Variants in RFX7 observed in about 807,000 individuals in gnomAD.
The protein encoded by RFX7 is DNA-binding protein RFX7.
In RFX7, 26 loss-of-function variants were observed where a neutral mutation model predicts 111.8. The observed-to-expected ratio is 0.23, with a 90% CI of 0.17 to 0.32. The LOEUF is 0.32. Among genes scored for constraint, RFX7 ranks in the 10% least tolerant of loss-of-function variants. RFX7 has a pLI of 1.00. For synonymous variants in RFX7, 624 were observed against 624.4 expected, an observed-to-expected ratio of 1.00 and a Z score of 0.01; for missense variants, 1,573 against 1,772.9, an observed-to-expected ratio of 0.89 and a Z score of 2.02.
chr15:56,209,169 T>G (rs1490709974), intron 2 of RFX7, among the ~76,000 whole-genome samples: 1 of 151,644 alleles, frequency 6.6e-6, no homozygotes. Flanking sequence ...AGAAAAAATC[T>G]TGAAAGAAGC....
chr15:56,191,986 A>G (rs1467777228), intron 2 of RFX7, among the ~76,000 whole-genome samples: 1 of 152,164 alleles, frequency 6.6e-6, no homozygotes, highest in African/African-American at 2.4e-5. Context: ...CACAGCAACA[A>G]TGAACACAAT....
At chr15:56,119,666 A>G (rs1476262805) in intron 5 of RFX7, among the ~76,000 whole-genome samples, 2 of 151,714 alleles carry the variant, frequency 1.3e-5, no homozygotes, top group African/African-American at 4.8e-5. Context: ...AGTTCCAGCT[A>G]CTTGGGGGGC....
At chr15:56,183,683 C>T (rs1245367320) in intron 2 of RFX7, among the ~76,000 whole-genome samples, 1 of 152,116 alleles carries the variant, frequency 6.6e-6, no homozygotes, top group Non-Finnish European at 1.5e-5. Flanking sequence ...ACAGTCTTGA[C>T]AATTCTTGGA....
chr15:56,138,367 A>T (rs1260569934), intron 5 of RFX7, among the ~76,000 whole-genome samples: 2 of 150,840 alleles, frequency 1.3e-5, no homozygotes, highest in African/African-American at 4.9e-5. Flanking sequence ...TACCATTATG[A>T]AATGGCCTTC....
At chr15:56,097,746 CAAAA>C (rs67718449) in intron 9 of RFX7, among the ~76,000 whole-genome samples, 10 of 47,336 alleles carry the variant, frequency 2.1e-4, no homozygotes, top group East Asian at 9.5e-4. Flanking sequence ...GACTCTGTCT[CAAAA>C]AAAAAAAAAA....
chr15:56,156,840 G>A (rs1595974339), intron 3 of RFX7, among the ~76,000 whole-genome samples: 1 of 152,284 alleles, frequency 6.6e-6, no homozygotes, highest in African/African-American at 2.4e-5. Flanking sequence ...TATCATTTGA[G>A]TTTAACAGAG....
At chr15:56,222,576 T>A (rs1175135648) in intron 2 of RFX7, among the ~76,000 whole-genome samples, 2 of 152,216 alleles carry the variant, frequency 1.3e-5, no homozygotes, top group Non-Finnish European at 2.9e-5. Flanking sequence ...GAAGTTTTCT[T>A]CGTAGTTTCC....
intron 2 of RFX7, among the ~76,000 whole-genome samples, chr15:56,183,217 A>C (rs2042995822): frequency 6.6e-6 from 1 of 152,080 alleles, no homozygotes; most frequent in Admixed American, 6.6e-5. Flanking sequence ...TACATTATAG[A>C]AGCTTTATAT....
chr15:56,098,278 T>TAAC lies in RFX7; in HGVS notation c.909_910insGTT (p.Ala303_Lys304insVal). 1.2e-6 allele frequency: 2 copies of TAAC among 1,613,936 alleles called. No homozygotes were observed. The highest frequency in any genetic ancestry group is 1.7e-6 in the Non-Finnish European group (2 of 1,179,848). Reference sequence around the variant, plus strand: ...TGGATTTTCCGTTGCAACTGCTGTTTAGCATCAATTGGAGATGGCAAAGTC... The same window carrying TAAC: ...TGGATTTTCCGTTGCAACTGCTGTTTAACAGCATCAATTGGAGATGGCAAAGTC... On this transcript the variant is annotated inframe_insertion, in exon 9 of 10. Transcript: ENST00000559447.
intron 3 of RFX7, among the ~76,000 whole-genome samples, chr15:56,159,519 G>C (rs1319882481): frequency 6.6e-6 from 1 of 152,104 alleles, no homozygotes; most frequent in Non-Finnish European, 1.5e-5. Context: ...CTAAGCTATC[G>C]ACATATAATT....
intron 2 of RFX7, among the ~76,000 whole-genome samples, chr15:56,207,333 A>G (rs2043264615): frequency 6.6e-6 from 1 of 152,300 alleles, no homozygotes; most frequent in Middle Eastern, 3.4e-3. Context: ...CAAGATGAAA[A>G]GAGTTCTGTG....
At chr15:56,165,058 G>C (rs769037459) in intron 3 of RFX7, among the ~76,000 whole-genome samples, 20 of 152,200 alleles carry the variant, frequency 1.3e-4, no homozygotes, top group Non-Finnish European at 1.8e-4. Flanking sequence ...GCATTAGTTA[G>C]ATTTTCATAA....
chr15:56,111,381 GTCCAC>G (rs1235794325), intron 5 of RFX7, among the ~76,000 whole-genome samples: 11 of 151,990 alleles, frequency 7.2e-5, no homozygotes, highest in Non-Finnish European at 1.3e-4. Flanking sequence ...CATGTGCTGT[GTCCAC>G]TCAGGGTTAA....
At chr15:56,221,102 A>G (rs1204466325) in intron 2 of RFX7, among the ~76,000 whole-genome samples, 1 of 152,180 alleles carries the variant, frequency 6.6e-6, no homozygotes, top group Non-Finnish European at 1.5e-5. Flanking sequence ...AATAGTTTGA[A>G]GTCAGGTTAA....
At chr15:56,097,077 G>C (rs554076884) in intron 9 of RFX7, among the ~76,000 whole-genome samples, 61 of 152,258 alleles carry the variant, frequency 4.0e-4, no homozygotes, top group Admixed American at 2.0e-3. Flanking sequence ...TACAACTACT[G>C]TCTACTCCAG....
At chr15:56,135,064 G>T (rs1470648541) in intron 5 of RFX7, among the ~76,000 whole-genome samples, 4 of 152,140 alleles carry the variant, frequency 2.6e-5, no homozygotes, top group Non-Finnish European at 4.4e-5. Context: ...GAATAATGCT[G>T]CAATAAACAT....
At chr15:56,098,742 C>T (rs2041715391) in intron 8 of RFX7, among the ~76,000 whole-genome samples, 1 of 152,172 alleles carries the variant, frequency 6.6e-6, no homozygotes, top group Admixed American at 6.5e-5. Flanking sequence ...GTAAATTTCC[C>T]TCCCCCCATT....
chr15:56,142,746 T>A, intron 5 of RFX7, 32 bp downstream of exon 5: 3 of 1,597,038 alleles, frequency 1.9e-6, no homozygotes, highest in Non-Finnish European at 2.6e-6. Context: ...CTCTTTAATA[T>A]ATCAGCATGC....
chr15:56,149,201 G>A lies in RFX7; in HGVS notation c.196-4718C>T, dbSNP rs1466705922. ...ACATGTCAGCCTTCCTGTCAATGTT[G>A]GTTCTGAGGGATTATTTGGAACAGT... On this transcript the variant is annotated intron_variant, in intron 3 of 9. Transcript: ENST00000559447. Among the ~76,000 whole-genome samples the A allele has an allele frequency of 6.6e-5, 10 of 152,150 alleles. No individual in the cohort carries two copies. The East Asian group carries it at 1.9e-3, about 29-fold the overall frequency.
Sources: gnomAD v4.1 joint callset for allele counts (sites outside exome capture counted in the v4.1 genomes callset) on GRCh38, gnomAD v4.1.1 for gene constraint, MANE v1.5 for transcripts, NCBI Gene and HGNC (gene_info 2026-07-23, HGNC 2026-07-21) for gene names.